The following KCNG1 variants were observed in gnomAD, a reference collection of about 807,000 sequenced individuals.
KCNG1 encodes voltage-gated potassium channel regulatory subunit KCNG1.
Under a neutral mutation model 32.4 loss-of-function variants are expected in KCNG1, and 17 were observed. The observed-to-expected ratio is 0.52, with a 90% CI of 0.36 to 0.79. The LOEUF is 0.79. KCNG1 is among the 30% of genes least tolerant of loss of function. The probability of loss-of-function intolerance (pLI) is 0.00; values close to 1 mark genes in which losing one functional copy is unlikely to be tolerated. For synonymous variants in KCNG1, 358 were observed against 339.9 expected (o/e 1.05, Z -0.59); for missense variants, 441 against 735.2 (o/e 0.60, Z 4.63).
In KCNG1 at chr20:51,010,308, A is replaced by G; in HGVS notation, c.31T>C (p.Tyr11His). The G allele has an allele frequency of 6.6e-7, 1 of 1,507,152 alleles. No individual in the cohort carries two copies. Among genetic ancestry groups the G allele is most frequent in the South Asian group, 1.3e-5 (1 of 75,410 alleles). The allele number at this position is 1,507,152 out of a possible 1,614,324, so 93.4% of individuals were successfully genotyped here. A position where few individuals can be genotyped will look rare whatever the true frequency, so the allele number is the denominator to read the frequency against. Residue 11 changes from tyrosine to histidine, a missense_variant, in exon 2 of 3, where the codon TAC becomes CAC. Transcript: ENST00000371571. MTLLPGDNSD[Y>H]DYSALSCTSD... is the part of the protein sequence containing the mutation. ...GTGCAGCTCAGCGCGCTGTAGTCGT[A>G]GTCAGAATTGTCTCCCGGTAAGAGG...
Position 51,003,831 on chromosome 20 carries a change from G to A in KCNG1, c.*208C>T. The A allele has an allele frequency of 1.7e-6, 1 of 578,016 alleles. No individual in the cohort carries two copies. Among genetic ancestry groups the A allele is most frequent in the Non-Finnish European group, 3.0e-6 (1 of 331,346 alleles). The allele number at this position is 578,016 out of a possible 1,614,324, so 35.8% of individuals were successfully genotyped here. A position where few individuals can be genotyped will look rare whatever the true frequency, so the allele number is the denominator to read the frequency against. On this transcript the variant is annotated 3_prime_UTR_variant, in exon 3 of 3. Transcript: ENST00000371571. ...GCTGATGACCCAGCTTCCTTTCACG[G>A]CTGCAGGCGGAGGGGCAGGGCCCCT...
chr20:51,013,343 C>T (rs1229991689), intron 1 of KCNG1, among the ~76,000 whole-genome samples: 2 of 152,044 alleles, frequency 1.3e-5, no homozygotes, highest in Non-Finnish European at 2.9e-5. Context: ...CACCAGCCCT[C>T]TCCCTAGACA....
intron 1 of KCNG1, among the ~76,000 whole-genome samples, chr20:51,017,502 C>T (rs1988323471): frequency 6.6e-6 from 1 of 152,140 alleles, no homozygotes; most frequent in Admixed American, 6.5e-5. Context: ...TGGCACAGGC[C>T]AATGAGGAGG....
chr20:51,010,435 G>A (rs1988037001), intron 1 of KCNG1, 71 bp from the exon 2 acceptor site: 6 of 1,020,154 alleles, frequency 5.9e-6, no homozygotes, highest in Non-Finnish European at 7.0e-6. Flanking sequence ...TGCAGATTCC[G>A]CAGATATTCA....
At chr20:51,021,422 G>C (rs1399626702) in intron 1 of KCNG1, among the ~76,000 whole-genome samples, 1 of 152,130 alleles carries the variant, frequency 6.6e-6, no homozygotes, top group Non-Finnish European at 1.5e-5. Flanking sequence ...CCACAGTGCC[G>C]ACCGCAAGGC....
chr20:51,015,130 A>G lies in KCNG1; in HGVS notation c.-26-4766T>C, dbSNP rs1344549961. ...GGCTGGGGAGCCCAGGCTGGAGGCT[A>G]TGGAAGTCATTCTGGAAATGACTAA... On this transcript the variant is annotated intron_variant, in intron 1 of 2. Coordinates refer to ENST00000371571, the MANE Select transcript of KCNG1 (RefSeq NM_002237.4). This position sits in a 1 kb window ranked among gnomAD's most constrained non-coding sequence, Gnocchi z 4.4. 6.6e-6 allele frequency among the ~76,000 whole-genome samples: 1 copy of G among 152,126 alleles called. No homozygotes were observed. The highest frequency in any genetic ancestry group is 1.9e-4 in the East Asian group (1 of 5,190).
In KCNG1 at chr20:51,015,780, T is replaced by C. The variant is rs1031405236; in HGVS notation, c.-26-5416A>G. Among the ~76,000 whole-genome samples the C allele has an allele frequency of 2.0e-5, 3 of 152,134 alleles. No homozygotes were observed. Among genetic ancestry groups the C allele is most frequent in the Admixed American group, 6.5e-5 (1 of 15,268 alleles). ...TAAGGCTGCTACAGCTGATCTGAGATGGGAAATTATCTTGGATGATCTGGG... is the reference window on the plus strand; with the variant it reads ...TAAGGCTGCTACAGCTGATCTGAGACGGGAAATTATCTTGGATGATCTGGG... On this transcript the variant is annotated intron_variant, in intron 1 of 2. Transcript: ENST00000371571. The surrounding 1 kb of genome is among the most constrained non-coding windows in gnomAD (Gnocchi z 4.4).
intron 1 of KCNG1, among the ~76,000 whole-genome samples, chr20:51,020,639 G>A (rs890508438): frequency 6.6e-6 from 1 of 152,006 alleles, no homozygotes; most frequent in African/African-American, 2.4e-5. Context: ...CCATTTCTGG[G>A]CTTAATGCAA....
In KCNG1 at chr20:51,010,195, C is replaced by G. The variant is rs372397663; in HGVS notation, c.144G>C (p.Pro48=). The change falls in exon 2 of 3, where the codon CCG becomes CCC. Residue 48 remains proline, a synonymous_variant. Coordinates refer to ENST00000371571, the MANE Select transcript of KCNG1 (RefSeq NM_002237.4). ...GACAGCCCTGGCGGGGCTCATCCTG[C>G]GGCCGCAGCCGCTGCGCCCGGCGGT... ...AFYRRAQRLR[P]QDEPRQGCQP... 115 of 1,593,240 alleles carry G rather than the reference C, an allele frequency of 7.2e-5. No individual in the cohort carries two copies. The highest frequency in any genetic ancestry group is 9.4e-5 in the Non-Finnish European group (110 of 1,170,840).
intron 1 of KCNG1, among the ~76,000 whole-genome samples, chr20:51,014,700 C>A (rs941710109): frequency 3.3e-5 from 5 of 152,210 alleles, no homozygotes; most frequent in African/African-American, 1.2e-4. Context: ...AAGACTGTTT[C>A]CAAATGAGCA....
At position 51,004,988 on chromosome 20, in the gene KCNG1, T is replaced by G; in HGVS notation, c.775-182A>C. On this transcript the variant is annotated intron_variant, in intron 2 of 2. Coordinates refer to ENST00000371571, the MANE Select transcript of KCNG1 (RefSeq NM_002237.4). The surrounding 1 kb of genome is among the most constrained non-coding windows in gnomAD (Gnocchi z 4.3). ...GGCCTGGGGCACTAAGCACCATCTCTACACTGGCCGCTCCTCATCTCTCTC... is the reference window on the plus strand; with the variant it reads ...GGCCTGGGGCACTAAGCACCATCTCGACACTGGCCGCTCCTCATCTCTCTC... The G allele has an allele frequency of 8.6e-5, 47 of 549,672 alleles. No individual in the cohort carries two copies. Among genetic ancestry groups the G allele is most frequent in the Middle Eastern group, 4.8e-4 (1 of 2,078 alleles). The allele number at this position is 549,672 out of a possible 1,614,324, so 34.0% of individuals were successfully genotyped here. A position where few individuals can be genotyped will look rare whatever the true frequency, so the allele number is the denominator to read the frequency against.
In KCNG1 at chr20:51,015,679, C is replaced by A. The variant is rs761415226; in HGVS notation, c.-26-5315G>T. On this transcript the variant is annotated intron_variant, in intron 1 of 2. Coordinates refer to ENST00000371571, the MANE Select transcript of KCNG1 (RefSeq NM_002237.4). The surrounding 1 kb of genome is among the most constrained non-coding windows in gnomAD (Gnocchi z 4.4). ...GTCCCCACATTCCCCTAGATGCCCACGTCCTAATCCTAATCCCTGGAAGCT... is the reference window on the plus strand; with the variant it reads ...GTCCCCACATTCCCCTAGATGCCCAAGTCCTAATCCTAATCCCTGGAAGCT... 6.6e-6 allele frequency among the ~76,000 whole-genome samples: 1 copy of A among 152,144 alleles called. No homozygotes were observed. The highest frequency in any genetic ancestry group is 6.5e-5 in the Admixed American group (1 of 15,280).
rs978978783 is a variant in KCNG1 at position 51,003,934 on chromosome 20, G to A, written c.*105C>T. 22 of 1,320,950 alleles carry A rather than the reference G, an allele frequency of 1.7e-5. No individual in the cohort carries two copies. The Admixed American group carries it at 3.0e-4, about 18-fold the overall frequency. The allele number at this position is 1,320,950 out of a possible 1,614,324, so 81.8% of individuals were successfully genotyped here. ...CCGGGTGCGTGGGAGTCGGTGCTGC[G>A]CCAGGACTGCACTCGGAAGCGGCCT... On this transcript the variant is annotated 3_prime_UTR_variant, in exon 3 of 3. Transcript: ENST00000371571.
rs540957273 is a variant in KCNG1, at chr20:51,009,898, G to A, written c.441C>T (p.Phe147=). 3.0e-5 allele frequency: 49 copies of A among 1,613,600 alleles called. No homozygotes were observed. The African/African-American group carries it at 6.1e-4, about 20-fold the overall frequency. ...RLLREMCALS[F]QEELLYWGIA... ...TGCCCCAGTACAGCAGCTCCTCCTG[G>A]AAGGACAGCGCGCACATCTCGCGCA... Residue 147 remains phenylalanine, a synonymous_variant, in exon 2 of 3, where the codon TTC becomes TTT. Transcript: ENST00000371571.
intron 2 of KCNG1, chr20:51,008,171 G>A (rs917904954): frequency 6.6e-6 from 1 of 152,100 alleles, no homozygotes; most frequent in Non-Finnish European, 1.5e-5. Context: ...TACAGGGAAG[G>A]AGTCACCAAC....
chr20:51,008,950 G>A (rs769229424), intron 2 of KCNG1, among the ~76,000 whole-genome samples: 1 of 152,116 alleles, frequency 6.6e-6, no homozygotes, highest in Non-Finnish European at 1.5e-5. Context: ...GCCCAGCTCC[G>A]GCTCCCGTGA....
At position 51,003,963 on chromosome 20, in the gene KCNG1, C is replaced by A; in HGVS notation, c.*76G>T. The A allele has an allele frequency of 2.6e-6, 4 of 1,520,550 alleles. No homozygotes were observed. Among genetic ancestry groups the A allele is most frequent in the Non-Finnish European group, 3.6e-6 (4 of 1,121,072 alleles). The allele number at this position is 1,520,550 out of a possible 1,614,324, so 94.2% of individuals were successfully genotyped here. A position where few individuals can be genotyped will look rare whatever the true frequency, so the allele number is the denominator to read the frequency against. ...GGACTGCACTCGGAAGCGGCCTGTCCCTCTCCAGGCGTCTGCAGTGGATGG... is the reference window on the plus strand; with the variant it reads ...GGACTGCACTCGGAAGCGGCCTGTCACTCTCCAGGCGTCTGCAGTGGATGG... On this transcript the variant is annotated 3_prime_UTR_variant, in exon 3 of 3. Transcript: ENST00000371571.
rs1168290018 is a variant in KCNG1 at position 51,010,158 on chromosome 20, G to T, written c.181C>A (p.Arg61Ser). ...EPRQGCQPEDRRRRIIINVGG... is the reference protein window; with the variant it reads ...EPRQGCQPEDSRRRIIINVGG... ...ACGTTGATGATGATCCGACGGCGGC[G>T]GTCCTCGGGCTGACAGCCCTGGCGG... Residue 61 changes from arginine (R) to serine (S), a missense_variant, in exon 2 of 3, where the codon CGC becomes AGC. Coordinates refer to ENST00000371571, the MANE Select transcript of KCNG1 (RefSeq NM_002237.4). 1.2e-6 allele frequency: 2 copies of T among 1,609,854 alleles called. No homozygotes were observed. Among genetic ancestry groups the T allele is most frequent in the Non-Finnish European group, 1.7e-6 (2 of 1,178,060 alleles).
intron 1 of KCNG1, chr20:51,014,002 C>A (rs1338729194): frequency 1.3e-5 from 2 of 152,166 alleles, no homozygotes; most frequent in Non-Finnish European, 2.9e-5. Flanking sequence ...TTCAACCCTC[C>A]CAGCTTTCCC....
Sources: gnomAD v4.1 joint callset for allele counts (sites outside exome capture counted in the v4.1 genomes callset) on GRCh38, gnomAD v4.1.1 for gene constraint, Gnocchi (gnomAD v3.1) non-coding constraint, MANE v1.5 for transcripts, NCBI Gene and HGNC (gene_info 2026-07-23, HGNC 2026-07-21) for gene names.